Variants in MALRD1 observed in about 807,000 individuals in gnomAD.
MALRD1 encodes MAM and LDL-receptor class A domain-containing protein 1.
MALRD1 carries 247 observed loss-of-function variants against 242.1 expected under a neutral mutation model. That is an observed-to-expected ratio of 1.02 (90% CI 0.92 to 1.13). MALRD1 has a LOEUF of 1.13. Among genes scored for constraint, MALRD1 ranks in the 50% most tolerant of loss-of-function variants. The pLI is 0.00. For synonymous variants in MALRD1, 995 were observed against 866.6 expected, an observed-to-expected ratio of 1.15 and a Z score of -2.60; for missense variants, 2,989 against 2,533.1, an observed-to-expected ratio of 1.18 and a Z score of -3.86.
In MALRD1 at chr10:19,124,327, A is replaced by T. The variant is rs575420360; in HGVS notation, c.797-197A>T. On this transcript the variant is annotated intron_variant, in intron 6 of 39. Coordinates refer to ENST00000454679, the MANE Select transcript of MALRD1 (RefSeq NM_001142308.3). ...ATTTGAGAGGATATTGTACATGTGG[A>T]TCAACTGAGAAATTTTTGCAAAATG... Among the ~76,000 whole-genome samples, 18 of 152,326 alleles carry T rather than the reference A, an allele frequency of 1.2e-4. 1 individual carries two copies. The South Asian group carries it at 3.5e-3, about 30-fold the overall frequency.
chr10:19,569,915 T>C (rs1310677532), intron 33 of MALRD1, among the ~76,000 whole-genome samples: 1 of 151,254 alleles, frequency 6.6e-6, no homozygotes, highest in Non-Finnish European at 1.5e-5. Context: ...AGAGCTTGTA[T>C]TTCATCTCCA....
intron 5 of MALRD1, among the ~76,000 whole-genome samples, chr10:19,107,211 T>G (rs1836494123): frequency 6.6e-6 from 1 of 152,032 alleles, no homozygotes; most frequent in Non-Finnish European, 1.5e-5. Flanking sequence ...ATCCGTCCAT[T>G]GCTGAAAGTA....
chr10:19,487,359 A>G (rs1471909613), intron 29 of MALRD1, among the ~76,000 whole-genome samples: 3 of 51,048 alleles, frequency 5.9e-5, no homozygotes, highest in Non-Finnish European at 9.8e-5. Context: ...GCTGTTTTTT[A>G]TTTGTTTATT....
intron 29 of MALRD1, chr10:19,488,723 G>A: frequency 1.0e-5 from 2 of 198,406 alleles, no homozygotes; most frequent in South Asian, 1.7e-4. Context: ...CTGGAACCAA[G>A]GACAAAGGAT....
intron 19 of MALRD1, among the ~76,000 whole-genome samples, chr10:19,279,176 C>G (rs1342586350): frequency 6.6e-6 from 1 of 152,152 alleles, no homozygotes; most frequent in African/African-American, 2.4e-5. Flanking sequence ...GGCATGAGGT[C>G]CAGTCACAAG....
At chr10:19,363,021 A>T (rs952202741) in intron 26 of MALRD1, among the ~76,000 whole-genome samples, 1 of 152,088 alleles carries the variant, frequency 6.6e-6, no homozygotes, top group Non-Finnish European at 1.5e-5. Context: ...AGCAGATTTC[A>T]TGGGGGAGAG....
At chr10:19,436,807 G>T (rs191976564) in intron 28 of MALRD1, among the ~76,000 whole-genome samples, 119 of 152,252 alleles carry the variant, frequency 7.8e-4, no homozygotes, top group Non-Finnish European at 1.4e-3. Context: ...GGCATAACAT[G>T]CTGTTAAGTT....
At chr10:19,315,539 TATATAAAA>T (rs1379113400) in intron 21 of MALRD1, among the ~76,000 whole-genome samples, 1 of 125,098 alleles carries the variant, frequency 8.0e-6, no homozygotes, top group East Asian at 2.4e-4. Context: ...TTTATATAAA[TATATAAAA>T]ATATAAATAT....
In MALRD1 at chr10:19,523,609, G is replaced by T. The variant is rs151176037; in HGVS notation, c.5321-7585G>T. Among the ~76,000 whole-genome samples, 608 of 152,202 alleles carry T rather than the reference G, an allele frequency of 4.0e-3. 3 individuals carry two copies. Among genetic ancestry groups the T allele is most frequent in the African/African-American group, 0.014 (586 of 41,526 alleles). The stretch of plus-strand genomic sequence containing the variant: ...AATGACTCATAAAGAGGTTTTTCAG[G>T]GTTCTTTGAATATGAGGATGCAGAG... On this transcript the variant is annotated intron_variant, in intron 31 of 39. Transcript: ENST00000454679.
intron 36 of MALRD1, among the ~76,000 whole-genome samples, chr10:19,660,732 G>A (rs960047866): frequency 6.6e-5 from 10 of 152,152 alleles, no homozygotes; most frequent in African/African-American, 1.9e-4. Context: ...GTTAATTCTA[G>A]CAGGCTTTTC....
chr10:19,314,890 A>G (rs1009105611), intron 21 of MALRD1, among the ~76,000 whole-genome samples: 7 of 151,156 alleles, frequency 4.6e-5, no homozygotes. Flanking sequence ...TATAAGTGTT[A>G]TATATGACCA....
chr10:19,282,261 A>G (rs1457896412), intron 20 of MALRD1, among the ~76,000 whole-genome samples: 1 of 152,180 alleles, frequency 6.6e-6, no homozygotes, highest in East Asian at 1.9e-4. Context: ...GACTGAAAAC[A>G]CTTTTTTAAA....
At chr10:19,578,062 C>T (rs1422762206) in intron 33 of MALRD1, among the ~76,000 whole-genome samples, 2 of 152,196 alleles carry the variant, frequency 1.3e-5, no homozygotes, top group South Asian at 2.1e-4. Context: ...AGCGTCCAGA[C>T]TTTATAAAAA....
chr10:19,067,047 C>T (rs1835002757), intron 2 of MALRD1, among the ~76,000 whole-genome samples, 188 bp downstream of exon 2: 1 of 152,066 alleles, frequency 6.6e-6, no homozygotes. Context: ...CATTCTTTAA[C>T]CAGTTTCAAA....
At chr10:19,048,583 C>A (rs1386534390), upstream of MALRD1, among the ~76,000 whole-genome samples, 2 of 152,100 alleles carry the variant, frequency 1.3e-5, no homozygotes, top group African/African-American at 4.8e-5. Context: ...TTGTGGTTGC[C>A]TCTCCCCTGC....
At chr10:19,174,438 C>T (rs6481773) in intron 13 of MALRD1, among the ~76,000 whole-genome samples, 28,611 of 152,008 alleles carry the variant, frequency 0.19, 3,017 homozygotes, top group Admixed American at 0.27. Flanking sequence ...TGGAGACCCT[C>T]CTTGACAGGA....
chr10:19,286,546 A>C (rs1841129669), intron 21 of MALRD1, among the ~76,000 whole-genome samples: 1 of 152,064 alleles, frequency 6.6e-6, no homozygotes, highest in Non-Finnish European at 1.5e-5. Flanking sequence ...TTTATATGCT[A>C]CACAAATAAA....
chr10:19,205,672 G>A (rs1435732129), intron 17 of MALRD1, among the ~76,000 whole-genome samples: 1 of 152,010 alleles, frequency 6.6e-6, no homozygotes, highest in Admixed American at 6.6e-5. Flanking sequence ...AAAATCACAA[G>A]TCAAACCATG....
chr10:19,634,688 A>G (rs1840049579), intron 36 of MALRD1, among the ~76,000 whole-genome samples: 1 of 152,202 alleles, frequency 6.6e-6, no homozygotes, highest in Non-Finnish European at 1.5e-5. Flanking sequence ...TCATCTGGAA[A>G]GCAAGCAGAG....
Sources: gnomAD v4.1 joint callset for allele counts (sites outside exome capture counted in the v4.1 genomes callset) on GRCh38, gnomAD v4.1.1 for gene constraint, MANE v1.5 for transcripts, NCBI Gene and HGNC (gene_info 2026-07-23, HGNC 2026-07-21) for gene names.